The following TMEM131 variants were observed in gnomAD, a reference collection of about 807,000 sequenced individuals.
TMEM131 encodes 2610524E03Rik.
A neutral mutation model predicts 211.6 loss-of-function variants in TMEM131; 66 were observed. That is an observed-to-expected ratio of 0.31 (90% CI 0.26 to 0.38). The LOEUF is 0.38. TMEM131 is among the 10% of genes least tolerant of loss of function. The probability of loss-of-function intolerance (pLI) is 1.00; values close to 1 mark genes in which losing one functional copy is unlikely to be tolerated. For missense variants in TMEM131, 2,036 were observed against 2,299.3 expected (o/e 0.89, Z 2.34); for synonymous variants, 844 against 841.3 (o/e 1.00, Z -0.06).
rs201695309 is a variant in TMEM131 at position 97,812,644 on chromosome 2, T to C, written c.1723A>G (p.Ile575Val). 6.3e-6 allele frequency: 10 copies of C among 1,591,040 alleles called. No individual in the cohort carries two copies. Among genetic ancestry groups the C allele is most frequent in the East Asian group, 4.5e-5 (2 of 44,706 alleles). The stretch of plus-strand genomic sequence containing the variant: ...GAATAAAAACAGGTTTTTACCTCAA[T>C]TGGATTGCTGTTTATAATTGCAAAT... ...ILFAIINSNP[I>V]ELAIKSWHII... Residue 575 changes from isoleucine (I) to valine (V), a missense_variant, in exon 16 of 41, where the codon ATT becomes GTT. Transcript: ENST00000186436.
chr2:97,939,094 C>G (rs1470260604), intron 1 of TMEM131, among the ~76,000 whole-genome samples: 1 of 152,140 alleles, frequency 6.6e-6, no homozygotes, highest in Non-Finnish European at 1.5e-5. Flanking sequence ...CTAAAATTGA[C>G]ACACTAACAT....
intron 1 of TMEM131, among the ~76,000 whole-genome samples, chr2:97,930,302 T>G (rs1225022642): frequency 2.0e-5 from 3 of 151,660 alleles, no homozygotes; most frequent in Non-Finnish European, 4.4e-5. Flanking sequence ...ACTGAATGAG[T>G]TCCCACCATT....
chr2:97,827,961 T>C (rs1258551154), intron 11 of TMEM131, among the ~76,000 whole-genome samples: 1 of 152,248 alleles, frequency 6.6e-6, no homozygotes, highest in Non-Finnish European at 1.5e-5. Context: ...TTAGTAGAAT[T>C]GTTTCCTAAA....
chr2:97,977,517 A>G (rs144378468), intron 1 of TMEM131, among the ~76,000 whole-genome samples: 10 of 152,354 alleles, frequency 6.6e-5, no homozygotes, highest in East Asian at 5.8e-4. Context: ...AATAAAACCT[A>G]TATCACACAA....
In TMEM131 at chr2:97,830,769, T is replaced by C. The variant is rs573840028; in HGVS notation, c.1074+2596A>G. Among the ~76,000 whole-genome samples, 7 of 152,306 alleles carry C rather than the reference T, an allele frequency of 4.6e-5. No homozygotes were observed. In the East Asian group the frequency reaches 9.6e-4, roughly 21 times the overall value. On this transcript the variant is annotated intron_variant, in intron 11 of 40. Transcript: ENST00000186436. ...TGCATTATAGACATATTAGGAGAGT[T>C]TGGACCTGCGCATCCTGTCTGTTAG...
intron 1 of TMEM131, among the ~76,000 whole-genome samples, chr2:97,981,514 G>T (rs1050640116): frequency 6.6e-6 from 1 of 152,096 alleles, no homozygotes; most frequent in East Asian, 1.9e-4. Flanking sequence ...TTAGAACTTT[G>T]CCACCCAAAT....
intron 31 of TMEM131, among the ~76,000 whole-genome samples, chr2:97,790,900 T>C (rs1680471094): frequency 6.6e-6 from 1 of 152,214 alleles, no homozygotes. Flanking sequence ...GAGAACTCAA[T>C]AGAGCTAGTT....
chr2:97,967,055 A>T (rs575734765), intron 1 of TMEM131, among the ~76,000 whole-genome samples: 21 of 152,120 alleles, frequency 1.4e-4, no homozygotes, highest in African/African-American at 4.6e-4. Flanking sequence ...CAAACGGCAC[A>T]CTTCTTAGAT....
intron 32 of TMEM131, 39 bp from the exon 33 acceptor site, chr2:97,772,463 TA>T: frequency 2.5e-6 from 4 of 1,587,392 alleles, no homozygotes; most frequent in Non-Finnish European, 3.4e-6. Context: ...GAAGGATTAA[TA>T]AAATGACTGA....
chr2:97,908,588 G>A (rs780145879), intron 3 of TMEM131, 70 bp downstream of exon 3: 42 of 1,115,242 alleles, frequency 3.8e-5, no homozygotes, highest in Non-Finnish European at 4.8e-5. Flanking sequence ...AGGGGAAAGA[G>A]GAGGGAGAAC....
At chr2:97,776,607 A>G (rs1053660771) in intron 31 of TMEM131, among the ~76,000 whole-genome samples, 2 of 152,202 alleles carry the variant, frequency 1.3e-5, no homozygotes, top group African/African-American at 4.8e-5. Flanking sequence ...AGTTTTGACA[A>G]ATCTGTATGT....
At chr2:97,772,777 A>T (rs1324192571) in intron 32 of TMEM131, among the ~76,000 whole-genome samples, 1 of 152,214 alleles carries the variant, frequency 6.6e-6, no homozygotes, top group Non-Finnish European at 1.5e-5. Context: ...CATGCCTGTA[A>T]TCCCAGCTAC....
rs116487841 is a variant in TMEM131, at chr2:97,882,897, T to C, written c.359+5155A>G. On this transcript the variant is annotated intron_variant, in intron 4 of 40. Transcript: ENST00000186436. Reference sequence around the variant, plus strand: ...ACTTGATCCAGAAAGTTTTAAATAATAGTAGAATGGTGGCTCAGTCCTTTT... The same window carrying C: ...ACTTGATCCAGAAAGTTTTAAATAACAGTAGAATGGTGGCTCAGTCCTTTT... 5.2e-3 allele frequency among the ~76,000 whole-genome samples: 791 copies of C among 152,286 alleles called. 6 individuals carry two copies. Among genetic ancestry groups the C allele is most frequent in the African/African-American group, 0.018 (741 of 41,546 alleles).
rs1683062434 is a variant in TMEM131, at chr2:97,838,905, TTAATA to T, written c.724-1753_724-1749del. Among the ~76,000 whole-genome samples the T allele has an allele frequency of 2.6e-5, 4 of 152,350 alleles. No homozygotes were observed. The South Asian group carries it at 6.2e-4, about 24-fold the overall frequency. On this transcript the variant is annotated intron_variant, in intron 7 of 40. Coordinates refer to ENST00000186436, the MANE Select transcript of TMEM131 (RefSeq NM_015348.2). Reference sequence around the variant, plus strand: ...GTGCTCATCTATAGTGCTTATTGTGTTAATAATAATAGCACCTTAAATGATAGGAT... The same window carrying T: ...GTGCTCATCTATAGTGCTTATTGTGTATAATAGCACCTTAAATGATAGGAT...
intron 2 of TMEM131, among the ~76,000 whole-genome samples, chr2:97,926,430 C>T (rs1000974607): frequency 1.3e-5 from 2 of 152,084 alleles, no homozygotes; most frequent in Non-Finnish European, 2.9e-5. Flanking sequence ...TTCTGAGAAA[C>T]ACTCTTCAAC....
chr2:97,781,568 G>A (rs756978602), intron 31 of TMEM131, among the ~76,000 whole-genome samples: 14 of 152,058 alleles, frequency 9.2e-5, no homozygotes, highest in Non-Finnish European at 1.8e-4. Context: ...TCCCTAATTG[G>A]GAAATATAAA....
At chr2:97,757,506 G>A in intron 40 of TMEM131, 123 bp from the exon 41 acceptor site, 1 of 1,103,222 alleles carries the variant, frequency 9.1e-7, no homozygotes, top group Non-Finnish European at 1.3e-6. Flanking sequence ...GTTTACTTTA[G>A]AACAAATGTT....
In TMEM131 at chr2:97,787,539, C is replaced by T. The variant is rs573272696; in HGVS notation, c.4144+4847G>A. On this transcript the variant is annotated intron_variant, in intron 31 of 40. Transcript: ENST00000186436. ...ACGGACTTCTTCTTTTCCTGGACCT[C>T]CCATTGTCTGGGCCCCAGGCCTTAT... Among the ~76,000 whole-genome samples the T allele has an allele frequency of 1.1e-4, 17 of 152,334 alleles. No individual in the cohort carries two copies. In the South Asian group the frequency reaches 3.5e-3, roughly 32 times the overall value.
At chr2:97,878,954 T>A (rs927195228) in intron 4 of TMEM131, among the ~76,000 whole-genome samples, 1 of 152,202 alleles carries the variant, frequency 6.6e-6, no homozygotes, top group Non-Finnish European at 1.5e-5. Context: ...TCCCCTAGAA[T>A]CTTCATTCGG....
Sources: allele counts gnomAD v4.1 joint callset (sites outside exome capture counted in the v4.1 genomes callset), GRCh38; gene constraint gnomAD v4.1.1; transcripts MANE v1.5; gene names NCBI Gene and HGNC (gene_info 2026-07-23, HGNC 2026-07-21).